The following FAT4 variants were observed in gnomAD, a reference collection of about 807,000 sequenced individuals.
FAT4 encodes protocadherin Fat 4.
In FAT4, 84 loss-of-function variants were observed where a neutral mutation model predicts 303.9. The observed-to-expected ratio is 0.28, with a 90% confidence interval of 0.23 to 0.33. The LOEUF is 0.33. Among genes scored for constraint, FAT4 ranks in the 10% least tolerant of loss-of-function variants. The pLI is 1.00. For synonymous variants in FAT4, 2,307 were observed against 2,298.8 expected (o/e 1.00, Z -0.10); for missense variants, 6,005 against 6,146.8 (o/e 0.98, Z 0.77).
At chr4:125,376,993 T>C (rs1442605972) in intron 2 of FAT4, among the ~76,000 whole-genome samples, 1 of 152,146 alleles carries the variant, frequency 6.6e-6, no homozygotes, top group African/African-American at 2.4e-5. Context: ...CAGAGCAAAA[T>C]GGGAGCATAG....
At chr4:125,396,784 G>T (rs560770007) in intron 2 of FAT4, among the ~76,000 whole-genome samples, 4 of 151,910 alleles carry the variant, frequency 2.6e-5, no homozygotes, top group Non-Finnish European at 5.9e-5. Flanking sequence ...GAATTATGAT[G>T]CATTCAGTTA....
At position 125,490,156 on chromosome 4, in the gene FAT4, T is replaced by C; in HGVS notation, c.13340T>C (p.Leu4447Pro). 6.2e-7 allele frequency: 1 copy of C among 1,614,112 alleles called. No individual in the cohort carries two copies. Among genetic ancestry groups the C allele is most frequent in the African/African-American group, 1.3e-5 (1 of 75,034 alleles). Residue 4447 changes from leucine (L) to proline (P), a missense_variant, in exon 18 of 18, where the codon CTG becomes CCG. Leu to Pro is a moderately conservative substitution (Grantham distance 98). Transcript: ENST00000394329. Reference protein sequence around the residue: ...CQNGGSCEPGLHSGFTCSCPD... With the variant: ...CQNGGSCEPGPHSGFTCSCPD... ...AATGGTGGCAGCTGTGAGCCAGGCCTGCACTCCGGCTTCACCTGTAGCTGC... is the reference window on the plus strand; with the variant it reads ...AATGGTGGCAGCTGTGAGCCAGGCCCGCACTCCGGCTTCACCTGTAGCTGC...
intron 2 of FAT4, among the ~76,000 whole-genome samples, chr4:125,366,115 T>C (rs1302451483): frequency 6.6e-6 from 1 of 152,138 alleles, no homozygotes; most frequent in Non-Finnish European, 1.5e-5. Context: ...AACTGGTCCC[T>C]GGTGCCAAAA....
chr4:125,324,615 G>A (rs979395355), intron 2 of FAT4, among the ~76,000 whole-genome samples: 1 of 152,142 alleles, frequency 6.6e-6, no homozygotes, highest in Non-Finnish European at 1.5e-5. Flanking sequence ...CAACAAGGAA[G>A]AGGAATTTAC....
Position 125,408,709 on chromosome 4 carries a change from C to T in FAT4, c.5835C>T (p.Ser1945=). 6.2e-7 allele frequency: 1 copy of T among 1,611,952 alleles called. No homozygotes were observed. The highest frequency in any genetic ancestry group is 1.7e-4 in the Middle Eastern group (1 of 6,048). ...TAAATGATAATCCACCTATTTTCAG[C>T]TTGAATTCATACAGCACATCTTTAA... ...LDVNDNPPIF[S]LNSYSTSLME... The change falls in exon 5 of 18, where the codon AGC becomes AGT. Residue 1945 remains serine, a synonymous_variant. Coordinates refer to ENST00000394329, the MANE Select transcript of FAT4 (RefSeq NM_001291303.3).
intron 2 of FAT4, among the ~76,000 whole-genome samples, chr4:125,331,901 G>GTTGAAAGAATGCAGGCT (rs1382522766): frequency 6.6e-6 from 1 of 152,042 alleles, no homozygotes; most frequent in Non-Finnish European, 1.5e-5. Context: ...CTTAAGTTTA[G>GTTGAAAGAATGCAGGCT]TTGAAAGAAT....
chr4:125,410,594 T>C (rs1025989184), intron 5 of FAT4, among the ~76,000 whole-genome samples: 1 of 152,176 alleles, frequency 6.6e-6, no homozygotes, highest in African/African-American at 2.4e-5. Flanking sequence ...CCACCATGTT[T>C]CTTTTTGATT....
rs1730720937 is a variant in FAT4 at position 125,318,083 on chromosome 4, G to A, written c.1672G>A (p.Gly558Arg). Reference sequence around the variant, plus strand: ...TCTGAATATAAGTGCCCGGGACCAGGGAGTTCACCCCAAGGTGTCCTATGC... The same window carrying A: ...TCTGAATATAAGTGCCCGGGACCAGAGAGTTCACCCCAAGGTGTCCTATGC... ...IVLNISARDQ[G>R]VHPKVSYAQL... The change falls in exon 2 of 18, where the codon GGA (glycine) becomes AGA (arginine). Residue 558 changes from glycine (G) to arginine (R), a missense_variant. Gly to Arg is a moderately radical substitution (Grantham distance 125). Coordinates refer to ENST00000394329, the MANE Select transcript of FAT4 (RefSeq NM_001291303.3). 1 of 1,614,086 alleles carries A rather than the reference G, an allele frequency of 6.2e-7. No individual in the cohort carries two copies. Among genetic ancestry groups the A allele is most frequent in the Non-Finnish European group, 8.5e-7 (1 of 1,180,026 alleles).
At chr4:125,359,256 C>T (rs981436076) in intron 2 of FAT4, among the ~76,000 whole-genome samples, 5 of 152,064 alleles carry the variant, frequency 3.3e-5, no homozygotes, top group Non-Finnish European at 7.4e-5. Flanking sequence ...ATTCACCCCA[C>T]GTCTTAAGGC....
At chr4:125,430,558 GA>G (rs1406986399) in intron 7 of FAT4, among the ~76,000 whole-genome samples, 2 of 151,858 alleles carry the variant, frequency 1.3e-5, no homozygotes, top group African/African-American at 4.8e-5. Context: ...GGTTTCCTAT[GA>G]AAAAAAATTT....
chr4:125,365,320 G>C (rs1463390341), intron 2 of FAT4, among the ~76,000 whole-genome samples: 2 of 152,162 alleles, frequency 1.3e-5, no homozygotes, highest in Non-Finnish European at 2.9e-5. Flanking sequence ...TTGGAGTGTA[G>C]TATCCATGAA....
intron 2 of FAT4, among the ~76,000 whole-genome samples, chr4:125,349,308 T>G (rs988578314): frequency 1.3e-5 from 2 of 151,802 alleles, no homozygotes; most frequent in Non-Finnish European, 2.9e-5. Flanking sequence ...TATACTATAT[T>G]AACACATGTG....
At chr4:125,484,260 A>G (rs925541408) in intron 16 of FAT4, among the ~76,000 whole-genome samples, 3 of 152,174 alleles carry the variant, frequency 2.0e-5, no homozygotes, top group African/African-American at 7.2e-5. Context: ...CTATTCAGAA[A>G]AAGAAAAAAT....
At chr4:125,440,610 T>TGTGTGTGA (rs372756130) in intron 8 of FAT4, among the ~76,000 whole-genome samples, 26 of 75,746 alleles carry the variant, frequency 3.4e-4, no homozygotes, top group African/African-American at 1.2e-3. Flanking sequence ...TGTGTGTGTG[T>TGTGTGTGA]GAGAGAGAGA....
intron 3 of FAT4, among the ~76,000 whole-genome samples, chr4:125,406,214 T>A (rs1734600636): frequency 6.6e-6 from 1 of 152,186 alleles, no homozygotes; most frequent in Admixed American, 6.5e-5. Context: ...CTTTTGCATA[T>A]GGATATCCAG....
intron 7 of FAT4, among the ~76,000 whole-genome samples, chr4:125,416,823 G>A (rs943233703): frequency 2.0e-5 from 3 of 151,962 alleles, no homozygotes; most frequent in African/African-American, 7.2e-5. Context: ...GTGCGTGCCT[G>A]TAATCCCAGC....
intron 3 of FAT4, among the ~76,000 whole-genome samples, chr4:125,402,939 T>C (rs1472532041): frequency 1.3e-5 from 2 of 152,068 alleles, no homozygotes; most frequent in Non-Finnish European, 2.9e-5. Context: ...GCACTACTTA[T>C]ACCTAGTGTC....
Position 125,319,968 on chromosome 4 carries a change from T to C in FAT4, c.3557T>C (p.Ile1186Thr). 6.2e-7 allele frequency: 1 copy of C among 1,613,160 alleles called. No homozygotes were observed. Among genetic ancestry groups the C allele is most frequent in the Non-Finnish European group, 8.5e-7 (1 of 1,179,996 alleles). ...ACAGTCATAGCAACAGATCAGGGGATCCCTCAGCCTCTCAAGGATCAGGCC... is the reference window on the plus strand; with the variant it reads ...ACAGTCATAGCAACAGATCAGGGGACCCCTCAGCCTCTCAAGGATCAGGCC... ...SFTVIATDQGIPQPLKDQATV... is the reference protein window; with the variant it reads ...SFTVIATDQGTPQPLKDQATV... The change falls in exon 2 of 18, where the codon ATC becomes ACC. Residue 1186 changes from isoleucine to threonine, a missense_variant. By Grantham distance (89) the Ile-to-Thr change is moderately conservative. Coordinates refer to ENST00000394329, the MANE Select transcript of FAT4 (RefSeq NM_001291303.3).
Position 125,490,770 on chromosome 4 carries a change from T to C in FAT4, c.13954T>C (p.Ser4652Pro). The stretch of plus-strand genomic sequence containing the variant: ...GTTCCGCAGCCACACACCAAAATTT[T>C]CAATCCAGAGGCACAGTCCCCTAGG... ...KQFRSHTPKF[S>P]IQRHSPLGFA... The change falls in exon 18 of 18, where the codon TCA (serine) becomes CCA (proline). Residue 4652 changes from serine to proline, a missense_variant. Transcript: ENST00000394329. 2 of 1,614,012 alleles carry C rather than the reference T, an allele frequency of 1.2e-6. No individual in the cohort carries two copies. Among genetic ancestry groups the C allele is most frequent in the Non-Finnish European group, 1.7e-6 (2 of 1,180,012 alleles).
Sources: gnomAD v4.1 joint callset for allele counts (sites outside exome capture counted in the v4.1 genomes callset) on GRCh38, gnomAD v4.1.1 for gene constraint, MANE v1.5 for transcripts, NCBI Gene and HGNC (gene_info 2026-07-23, HGNC 2026-07-21) for gene names.